Variants in ADAM7 observed in about 807,000 individuals in gnomAD.
ADAM7 encodes disintegrin and metalloproteinase domain-containing protein 7.
Under a neutral mutation model 102.9 loss-of-function variants are expected in ADAM7, and 97 were observed. That is an observed-to-expected ratio of 0.94 (90% CI 0.80 to 1.12). The LOEUF is 1.12. ADAM7 is among the 50% of genes most tolerant of loss of function. The pLI is 0.00. For synonymous variants in ADAM7, 334 were observed against 304.4 expected (o/e 1.10, Z -1.01); for missense variants, 991 against 908.7 (o/e 1.09, Z -1.16).
At chr8:24,456,132 C>G (rs1819025493) in intron 3 of ADAM7, among the ~76,000 whole-genome samples, 1 of 152,138 alleles carries the variant, frequency 6.6e-6, no homozygotes, top group Non-Finnish European at 1.5e-5. Flanking sequence ...CCACATTTTT[C>G]CTACAGCTCC....
intron 21 of ADAM7, 113 bp downstream of exon 21, chr8:24,507,648 A>G: frequency 2.5e-6 from 2 of 798,306 alleles, no homozygotes; most frequent in Non-Finnish European, 4.0e-6. Flanking sequence ...TACTTATCAC[A>G]ACAGATTAGG....
At chr8:24,464,069 A>C (rs1431287509) in intron 4 of ADAM7, 109 bp downstream of exon 4, 3 of 928,896 alleles carry the variant, frequency 3.2e-6, no homozygotes, top group Non-Finnish European at 4.9e-6. Context: ...ACTACATCAG[A>C]AATAAGCTCT....
In ADAM7 at chr8:24,508,555, T is replaced by G. The variant is rs760525070; in HGVS notation, c.*9T>G. On this transcript the variant is annotated 3_prime_UTR_variant, in exon 22 of 22. Transcript: ENST00000175238. ...ATCTGTTTCTATTTAGAGCTTGAAG[T>G]TGGATATCCAAAATGGCCGTGCAAG... is the stretch of plus-strand genomic sequence containing the variant. The G allele has an allele frequency of 1.2e-6, 2 of 1,613,642 alleles. No homozygotes were observed. Among genetic ancestry groups the G allele is most frequent in the Non-Finnish European group, 1.7e-6 (2 of 1,179,746 alleles).
At chr8:24,488,044 T>C (rs1350736862) in intron 11 of ADAM7, among the ~76,000 whole-genome samples, 1 of 152,204 alleles carries the variant, frequency 6.6e-6, no homozygotes. Context: ...ACATACATCC[T>C]GGCATTTCAA....
intron 20 of ADAM7, chr8:24,506,082 T>G: frequency 1.9e-6 from 3 of 1,544,702 alleles, no homozygotes; most frequent in Non-Finnish European, 2.6e-6. Context: ...TAGTATCTCT[T>G]CTTACTAGCA....
intron 3 of ADAM7, among the ~76,000 whole-genome samples, chr8:24,451,645 T>C (rs1456136289): frequency 2.6e-5 from 4 of 151,666 alleles, no homozygotes; most frequent in African/African-American, 9.7e-5. Flanking sequence ...GTGTCTCTAT[T>C]TCCTTCAGTT....
chr8:24,453,924 C>T (rs982739927), intron 3 of ADAM7, among the ~76,000 whole-genome samples: 3 of 152,240 alleles, frequency 2.0e-5, no homozygotes, highest in Non-Finnish European at 2.9e-5. Flanking sequence ...CACTCCAGAC[C>T]TGTTTGCCTG....
In ADAM7 at chr8:24,487,373, A is replaced by C. The variant is rs190303986; in HGVS notation, c.1091+56A>C. ...TACATAATTCAGAAGTGGGCTGGGC[A>C]TGGTGGCTTATGCCTGTAATCCCAG... On this transcript the variant is annotated intron_variant, in intron 11 of 21. Coordinates refer to ENST00000175238, the MANE Select transcript of ADAM7 (RefSeq NM_003817.4). The C allele has an allele frequency of 5.7e-6, 9 of 1,571,092 alleles. No homozygotes were observed. The Admixed American group carries it at 1.6e-4, about 27-fold the overall frequency.
At chr8:24,506,065 A>G (rs756227525) in intron 20 of ADAM7, 45 of 1,514,398 alleles carry the variant, frequency 3.0e-5, no homozygotes, top group Middle Eastern at 1.9e-4. Context: ...TAGGAATTGC[A>G]GGTTAATAGT....
chr8:24,491,546 G>T (rs1158036947), intron 13 of ADAM7, among the ~76,000 whole-genome samples: 1 of 152,114 alleles, frequency 6.6e-6, no homozygotes, highest in Non-Finnish European at 1.5e-5. Context: ...CTCATTATAA[G>T]CAGGGGTTCC....
chr8:24,490,695 C>A lies in ADAM7; in HGVS notation c.1267-104C>A. On this transcript the variant is annotated intron_variant, in intron 12 of 21. Coordinates refer to ENST00000175238, the MANE Select transcript of ADAM7 (RefSeq NM_003817.4). ...TACCACAGCCAACAATCATGCATCA[C>A]TATTTAACTCTATCAGAATCCACAG... is the stretch of plus-strand genomic sequence containing the variant. 5.4e-6 allele frequency: 6 copies of A among 1,104,978 alleles called. 1 individual carries two copies. In the South Asian group the frequency reaches 5.8e-5, roughly 11 times the overall value. The allele number at this position is 1,104,978 out of a possible 1,614,324, so 68.4% of individuals were successfully genotyped here.
At chr8:24,479,519 A>C (rs1461688838) in intron 8 of ADAM7, among the ~76,000 whole-genome samples, 1 of 151,900 alleles carries the variant, frequency 6.6e-6, no homozygotes, top group African/African-American at 2.4e-5. Context: ...TTTTTGCAAA[A>C]CAGCAATTCT....
At chr8:24,444,971 A>G (rs1309240482) in intron 2 of ADAM7, among the ~76,000 whole-genome samples, 1 of 152,192 alleles carries the variant, frequency 6.6e-6, no homozygotes, top group African/African-American at 2.4e-5. Context: ...ACTTTTCTGT[A>G]AATCTAAAAT....
intron 5 of ADAM7, 134 bp downstream of exon 5, chr8:24,465,909 A>G (rs1279259073): frequency 3.7e-6 from 2 of 547,756 alleles, no homozygotes; most frequent in Non-Finnish European, 3.0e-6. Flanking sequence ...GTGCATTTTT[A>G]GCAGTTTCAG....
chr8:24,447,046 T>C (rs972372645), intron 2 of ADAM7, 140 bp from the exon 3 acceptor site: 1 of 446,910 alleles, frequency 2.2e-6, no homozygotes, highest in Non-Finnish European at 4.1e-6. Flanking sequence ...TTTCAATTCA[T>C]CTTTATCAGT....
At position 24,493,293 on chromosome 8, in the gene ADAM7, A is replaced by G. The variant is rs981771256; in HGVS notation, c.1842+64A>G. 11 of 1,417,294 alleles carry G rather than the reference A, an allele frequency of 7.8e-6. No homozygotes were observed. In the Admixed American group the frequency reaches 1.6e-4, roughly 21 times the overall value. 87.8% of individuals were successfully genotyped at this position (1,417,294 alleles called of 1,614,324 possible). On this transcript the variant is annotated intron_variant, in intron 16 of 21. Transcript: ENST00000175238. ...TTCAATCCTTTAAAAACATTACTGG[A>G]TACTGTAATTGCTTCCAAAGAGGTC...
At chr8:24,477,247 T>C (rs1017947845) in intron 8 of ADAM7, among the ~76,000 whole-genome samples, 3 of 152,222 alleles carry the variant, frequency 2.0e-5, no homozygotes, top group African/African-American at 7.2e-5. Context: ...ATATGGAAAG[T>C]GTATGCTTCC....
chr8:24,445,203 T>A (rs1563370642), intron 2 of ADAM7, among the ~76,000 whole-genome samples: 1 of 152,020 alleles, frequency 6.6e-6, no homozygotes, highest in Non-Finnish European at 1.5e-5. Flanking sequence ...CCTCTACACA[T>A]ACAACTCATC....
chr8:24,450,465 G>A (rs1235014643), intron 3 of ADAM7, among the ~76,000 whole-genome samples: 1 of 151,616 alleles, frequency 6.6e-6, no homozygotes, highest in Non-Finnish European at 1.5e-5. Context: ...TGTTATTGGT[G>A]TATAAGAATG....
Sources: allele counts gnomAD v4.1 joint callset (sites outside exome capture counted in the v4.1 genomes callset), GRCh38; gene constraint gnomAD v4.1.1; transcripts MANE v1.5; gene names NCBI Gene and HGNC (gene_info 2026-07-23, HGNC 2026-07-21).